Variants in USP22 observed in about 807,000 individuals in gnomAD.
The protein encoded by USP22 is ubiquitin specific peptidase 22, also known as ubiquitin carboxyl-terminal hydrolase 22.
A neutral mutation model predicts 68.1 loss-of-function variants in USP22; 22 were observed. The ratio of observed to expected loss-of-function variants is 0.32; its 90% CI spans 0.23 to 0.46. USP22 has a LOEUF of 0.46. Among genes scored for constraint, USP22 ranks in the 20% least tolerant of loss-of-function variants. The pLI, the probability that USP22 is intolerant of heterozygous loss-of-function variation, is 1.00. For missense variants in USP22, 433 were observed against 695.8 expected (o/e 0.62, Z 4.25); for synonymous variants, 279 against 274.2 (o/e 1.02, Z -0.17).
intron 6 of USP22, among the ~76,000 whole-genome samples, chr17:21,013,515 G>A (rs931377682): frequency 4.6e-5 from 7 of 152,140 alleles, no homozygotes; most frequent in African/African-American, 1.7e-4. Context: ...CTGTGAAAAA[G>A]AAACTTAAGT....
At chr17:21,012,242 C>T (rs1913993112) in intron 7 of USP22, among the ~76,000 whole-genome samples, 1 of 152,046 alleles carries the variant, frequency 6.6e-6, no homozygotes, top group African/African-American at 2.4e-5. Flanking sequence ...GGGCAACATA[C>T]ACAAGACCCC....
Position 21,036,064 on chromosome 17 carries a change from C to T in USP22, c.171+6601G>A, listed in dbSNP as rs184749484. Among the ~76,000 whole-genome samples, 829 of 135,256 alleles carry T rather than the reference C, an allele frequency of 6.1e-3. 3 individuals are homozygous for T. Among genetic ancestry groups the T allele is most frequent in the South Asian group, 9.1e-3 (39 of 4,292 alleles). The allele number at this position is 135,256 out of a possible 152,430, so 88.7% of individuals were successfully genotyped here. Reference sequence around the variant, plus strand: ...AAAAAAAAAAAAAAAAAGGAATGAACTTTCAATCCACTCAATGGATACAAT... The same window carrying T: ...AAAAAAAAAAAAAAAAAGGAATGAATTTTCAATCCACTCAATGGATACAAT... On this transcript the variant is annotated intron_variant, in intron 1 of 12. Coordinates refer to ENST00000261497, the MANE Select transcript of USP22 (RefSeq NM_015276.2).
At chr17:21,026,496 A>T (rs1183433945) in intron 2 of USP22, among the ~76,000 whole-genome samples, 1 of 151,796 alleles carries the variant, frequency 6.6e-6, no homozygotes, top group African/African-American at 2.4e-5. Context: ...GCTAATTTTT[A>T]AATTTTTTGT....
At chr17:21,030,916 T>C (rs1972281748) in intron 1 of USP22, among the ~76,000 whole-genome samples, 1 of 152,224 alleles carries the variant, frequency 6.6e-6, no homozygotes, top group Admixed American at 6.5e-5. Context: ...AAACTGAGTG[T>C]GATAACTGTA....
chr17:21,039,769 T>G lies in USP22; in HGVS notation c.171+2896A>C, dbSNP rs143579359. On this transcript the variant is annotated intron_variant, in intron 1 of 12. Coordinates refer to ENST00000261497, the MANE Select transcript of USP22 (RefSeq NM_015276.2). ...CTTTAAACTGTACCTGAGATGTCCATCTCAAAAAGTACCTTTGTTTGTTTA... is the reference window on the plus strand; with the variant it reads ...CTTTAAACTGTACCTGAGATGTCCAGCTCAAAAAGTACCTTTGTTTGTTTA... 2.4e-3 allele frequency among the ~76,000 whole-genome samples: 360 copies of G among 152,324 alleles called. 3 individuals carry two copies. The highest frequency in any genetic ancestry group is 8.4e-3 in the African/African-American group (350 of 41,558).
intron 6 of USP22, 69 bp from the exon 7 acceptor site, chr17:21,013,004 T>C: frequency 6.7e-7 from 1 of 1,502,300 alleles, no homozygotes; most frequent in South Asian, 1.1e-5. Flanking sequence ...GGAAGAGCAG[T>C]TCACCCTGCA....
intron 2 of USP22, among the ~76,000 whole-genome samples, chr17:21,026,887 C>T (rs113696838): frequency 0.23 from 34,840 of 151,186 alleles, 4,722 homozygotes; most frequent in Middle Eastern, 0.32. Context: ...CTGCAACCTC[C>T]GCCTCCTGGG....
rs1453784553 is a variant in USP22 at position 21,029,918 on chromosome 17, T to C, written c.172-1244A>G. The stretch of plus-strand genomic sequence containing the variant: ...GGAACAAATAAAAACATTTTCAAAT[T>C]TGATACAGGTAAGGCAGTGACTGCA... On this transcript the variant is annotated intron_variant, in intron 1 of 12. Transcript: ENST00000261497. Among the ~76,000 whole-genome samples, 14 of 152,344 alleles carry C rather than the reference T, an allele frequency of 9.2e-5. No individual in the cohort carries two copies. The East Asian group carries it at 2.7e-3, about 29-fold the overall frequency.
chr17:21,015,730 G>C, intron 6 of USP22, 22 bp downstream of exon 6: 1 of 1,597,394 alleles, frequency 6.3e-7, no homozygotes, highest in African/African-American at 1.3e-5. Context: ...CCCTGGTGGA[G>C]GGTGCAGAGC....
At chr17:21,026,130 C>T (rs887876403) in intron 2 of USP22, among the ~76,000 whole-genome samples, 3 of 152,038 alleles carry the variant, frequency 2.0e-5, no homozygotes, top group Admixed American at 1.3e-4. Context: ...TGTTGGTGTG[C>T]GTCTGTAAGC....
chr17:21,022,447 T>A (rs1253599691), intron 2 of USP22, among the ~76,000 whole-genome samples: 3 of 152,164 alleles, frequency 2.0e-5, no homozygotes, highest in Admixed American at 1.3e-4. Context: ...TAAAAGTAAG[T>A]AAGATAAAGT....
rs758807945 is a variant in USP22, at chr17:21,012,818, C to A, written c.944+12G>T. On this transcript the variant is annotated intron_variant, in intron 7 of 12. Transcript: ENST00000261497. ...GGGTTTGATATTGCCGAGCACGCAG[C>A]CTCTCACTTACTGGCAGACTTGGCA... is the stretch of plus-strand genomic sequence containing the variant. 1 of 1,612,552 alleles carries A rather than the reference C, an allele frequency of 6.2e-7. No individual in the cohort carries two copies. The highest frequency in any genetic ancestry group is 8.5e-7 in the Non-Finnish European group (1 of 1,178,710).
At chr17:21,007,303 G>A (rs1913811165) in intron 9 of USP22, among the ~76,000 whole-genome samples, 1 of 152,170 alleles carries the variant, frequency 6.6e-6, no homozygotes, top group Non-Finnish European at 1.5e-5. Flanking sequence ...CAGCAAAAAT[G>A]AACAAATTGT....
intron 2 of USP22, among the ~76,000 whole-genome samples, chr17:21,021,801 A>C (rs778207080): frequency 1.3e-5 from 2 of 152,156 alleles, no homozygotes; most frequent in Admixed American, 6.5e-5. Context: ...TGCATCTTCT[A>C]AAAAATGGGA....
chr17:21,039,193 C>T (rs1022508138), intron 1 of USP22, among the ~76,000 whole-genome samples: 2 of 151,858 alleles, frequency 1.3e-5, no homozygotes, highest in South Asian at 2.1e-4. Context: ...CCTCGTGATC[C>T]GCCCGCCTCG....
At chr17:21,040,373 A>AGTCCCCCC (rs1972411229) in intron 1 of USP22, among the ~76,000 whole-genome samples, 1 of 152,198 alleles carries the variant, frequency 6.6e-6, no homozygotes, top group Non-Finnish European at 1.5e-5. Context: ...GATACAGGTA[A>AGTCCCCCC]ATAAGTCCCC....
At chr17:21,010,059 G>A (rs1286459141) in intron 8 of USP22, among the ~76,000 whole-genome samples, 1 of 152,038 alleles carries the variant, frequency 6.6e-6, no homozygotes, top group Non-Finnish European at 1.5e-5. Context: ...AGGAGACCAA[G>A]GCTGAGCCCT....
At chr17:21,025,221 A>G (rs1159695729) in intron 2 of USP22, among the ~76,000 whole-genome samples, 2 of 152,246 alleles carry the variant, frequency 1.3e-5, no homozygotes, top group Admixed American at 6.5e-5. Flanking sequence ...AGCAATGGAC[A>G]TGAACTGATA....
chr17:21,016,177 A>C (rs971255052), intron 5 of USP22, among the ~76,000 whole-genome samples: 2 of 152,206 alleles, frequency 1.3e-5, no homozygotes, highest in Non-Finnish European at 2.9e-5. Context: ...GATCACATGC[A>C]AATAAAAGTG....
Sources: allele counts gnomAD v4.1 joint callset (sites outside exome capture counted in the v4.1 genomes callset), GRCh38; gene constraint gnomAD v4.1.1; transcripts MANE v1.5; gene names NCBI Gene and HGNC (gene_info 2026-07-23, HGNC 2026-07-21).